Variants in MARCHF1 observed in about 807,000 individuals in gnomAD.
MARCHF1 encodes E3 ubiquitin-protein ligase MARCHF1.
MARCHF1 carries 40 observed loss-of-function variants against 54.2 expected under a neutral mutation model. The ratio of observed to expected loss-of-function variants is 0.74; its 90% confidence interval spans 0.57 to 0.96. MARCHF1 has a LOEUF of 0.96. Ranked by LOEUF, MARCHF1 falls within the 40% of genes least tolerant of loss-of-function variation. The pLI, the probability that MARCHF1 is intolerant of heterozygous loss-of-function variation, is 0.00. For missense variants in MARCHF1, 586 were observed against 656.5 expected (o/e 0.89, Z 1.17); for synonymous variants, 236 against 236.3 (o/e 1.00, Z 0.01).
At chr4:164,226,196 AG>A (rs1451787008) in intron 1 of MARCHF1, among the ~76,000 whole-genome samples, 6 of 152,110 alleles carry the variant, frequency 3.9e-5, no homozygotes, top group African/African-American at 1.2e-4. Context: ...TTACACAAAT[AG>A]CCAAATTTCA....
intron 2 of MARCHF1, among the ~76,000 whole-genome samples, chr4:164,006,028 C>T (rs1396064672): frequency 6.6e-6 from 1 of 151,964 alleles, no homozygotes; most frequent in African/African-American, 2.4e-5. Context: ...TACTAATCAT[C>T]CAAAGCAAAG....
intron 4 of MARCHF1, among the ~76,000 whole-genome samples, chr4:163,814,249 C>CACCAATAAA (rs1014301749): frequency 6.6e-6 from 1 of 152,192 alleles, no homozygotes; most frequent in Non-Finnish European, 1.5e-5. Context: ...GTCTGGGCTT[C>CACCAATAAA]TGGAGCTTGG....
At chr4:163,729,126 G>T (rs988444732) in intron 4 of MARCHF1, among the ~76,000 whole-genome samples, 4 of 152,048 alleles carry the variant, frequency 2.6e-5, no homozygotes, top group Admixed American at 1.3e-4. Context: ...AATCCCACTG[G>T]TCAAGGCATT....
At chr4:164,347,417 G>C (rs936457146) in intron 1 of MARCHF1, among the ~76,000 whole-genome samples, 2 of 152,102 alleles carry the variant, frequency 1.3e-5, no homozygotes, top group Non-Finnish European at 2.9e-5. Context: ...AAGGGGCCAG[G>C]TGTTTTCCTC....
intron 3 of MARCHF1, among the ~76,000 whole-genome samples, chr4:163,943,706 G>A (rs958689732): frequency 7.1e-6 from 1 of 141,638 alleles, no homozygotes; most frequent in Admixed American, 7.4e-5. Flanking sequence ...GTTTACCTAC[G>A]TAACAAATCT....
chr4:164,033,830 T>G (rs2110999714), intron 2 of MARCHF1, among the ~76,000 whole-genome samples: 1 of 152,274 alleles, frequency 6.6e-6, no homozygotes, highest in African/African-American at 2.4e-5. Flanking sequence ...TTGGCGGGAA[T>G]GTAAGTTAGT....
At chr4:164,068,294 C>T (rs555405428) in intron 2 of MARCHF1, among the ~76,000 whole-genome samples, 2 of 152,280 alleles carry the variant, frequency 1.3e-5, no homozygotes, top group African/African-American at 4.8e-5. Flanking sequence ...CCACTCTGGC[C>T]ACACTTGAGG....
At chr4:164,174,245 T>C (rs144859423) in intron 1 of MARCHF1, among the ~76,000 whole-genome samples, 36 of 152,302 alleles carry the variant, frequency 2.4e-4, no homozygotes, top group African/African-American at 8.4e-4. Flanking sequence ...CTGACAAATT[T>C]CACTATAACC....
intron 3 of MARCHF1, among the ~76,000 whole-genome samples, chr4:163,952,938 C>A (rs1170063959): frequency 3.3e-5 from 5 of 152,120 alleles, no homozygotes; most frequent in African/African-American, 1.2e-4. Flanking sequence ...TGAGCCAATC[C>A]ATTTTCATCA....
chr4:164,032,907 C>T (rs1753908645), intron 2 of MARCHF1, among the ~76,000 whole-genome samples: 1 of 152,112 alleles, frequency 6.6e-6, no homozygotes, highest in African/African-American at 2.4e-5. Flanking sequence ...TCAAACTATA[C>T]TACAAGTCTA....
chr4:164,357,860 T>G (rs1369918204), intron 1 of MARCHF1, among the ~76,000 whole-genome samples: 1 of 152,062 alleles, frequency 6.6e-6, no homozygotes, highest in Non-Finnish European at 1.5e-5. Context: ...TAAGAAATAA[T>G]TTTTCCCTAA....
intron 4 of MARCHF1, among the ~76,000 whole-genome samples, chr4:163,806,110 A>G (rs10517789): frequency 0.047 from 7,089 of 152,294 alleles, 216 homozygotes; most frequent in African/African-American, 0.085. Flanking sequence ...GGCCTGAAGC[A>G]TCAAGGTGTA....
chr4:163,820,853 T>A (rs1320685552), intron 4 of MARCHF1, among the ~76,000 whole-genome samples: 4 of 152,042 alleles, frequency 2.6e-5, no homozygotes, highest in Non-Finnish European at 5.9e-5. Flanking sequence ...CCTGGGACCC[T>A]GAAATAGCCT....
At chr4:164,259,561 A>AAAG (rs1733400474) in intron 1 of MARCHF1, among the ~76,000 whole-genome samples, 17 of 115,778 alleles carry the variant, frequency 1.5e-4, no homozygotes, top group Non-Finnish European at 1.7e-4. Flanking sequence ...AAAAAAAAAA[A>AAAG]AAAAGAAAAA....
chr4:164,176,941 G>GCTCTCTCTCTCTCTCT (rs57770641), intron 1 of MARCHF1, among the ~76,000 whole-genome samples: 2 of 58,182 alleles, frequency 3.4e-5, no homozygotes, highest in African/African-American at 8.8e-5. Flanking sequence ...TACCTTGTGC[G>GCTCTCTCTCTCTCTCT]CTCTCTCTCT....
intron 4 of MARCHF1, among the ~76,000 whole-genome samples, chr4:163,719,084 GGTTT>G (rs778829264): frequency 4.4e-4 from 67 of 152,222 alleles, no homozygotes; most frequent in Middle Eastern, 3.4e-3. Flanking sequence ...ACCATGTGCA[GGTTT>G]GTTACATACG....
intron 3 of MARCHF1, among the ~76,000 whole-genome samples, chr4:163,914,925 T>C (rs1420187672): frequency 6.6e-6 from 1 of 152,152 alleles, no homozygotes; most frequent in Admixed American, 6.6e-5. Context: ...TGCCGTGTTT[T>C]ATAAACAGCA....
At chr4:163,549,370 G>C (rs1560935689) in intron 8 of MARCHF1, among the ~76,000 whole-genome samples, 1 of 152,052 alleles carries the variant, frequency 6.6e-6, no homozygotes, top group African/African-American at 2.4e-5. Context: ...TCTCCAAGGG[G>C]TCTCAAGGAA....
intron 1 of MARCHF1, among the ~76,000 whole-genome samples, chr4:164,358,607 A>T (rs1730630935): frequency 6.6e-6 from 1 of 152,200 alleles, no homozygotes; most frequent in Non-Finnish European, 1.5e-5. Context: ...ATTACTGGGT[A>T]AATGGTAGTT....
Sources: gnomAD v4.1 joint callset for allele counts (sites outside exome capture counted in the v4.1 genomes callset) on GRCh38, gnomAD v4.1.1 for gene constraint, MANE v1.5 for transcripts, NCBI Gene and HGNC (gene_info 2026-07-23, HGNC 2026-07-21) for gene names.